SUGCT: variants seen among roughly 807,000 people sequenced by gnomAD.
SUGCT encodes the protein succinyl-CoA:glutarate CoA-transferase.
Under a neutral mutation model 55.0 loss-of-function variants are expected in SUGCT, and 41 were observed. The ratio of observed to expected loss-of-function variants is 0.74; its 90% confidence interval spans 0.58 to 0.97. The LOEUF is 0.97. Among genes scored for constraint, SUGCT ranks in the 50% least tolerant of loss-of-function variants. The pLI is 0.00. For missense variants in SUGCT, 568 were observed against 547.8 expected (o/e 1.04, Z -0.37); for synonymous variants, 187 against 200.4 (o/e 0.93, Z 0.56).
chr7:40,882,576 A>G, the SUGCT span, among the ~76,000 whole-genome samples: 1 of 152,308 alleles, frequency 6.6e-6, no homozygotes, highest in Non-Finnish European at 1.5e-5. Flanking sequence ...AACACACAAT[A>G]AAGCTCTTTG....
At chr7:40,787,733 A>G (rs973921481) in intron 13 of SUGCT, among the ~76,000 whole-genome samples, 1 of 144,092 alleles carries the variant, frequency 6.9e-6, no homozygotes, top group Non-Finnish European at 1.5e-5. Flanking sequence ...GGAAAGGGGC[A>G]GGCTAGCATG....
chr7:40,152,766 T>C (rs1270262857), intron 1 of SUGCT: 3 of 152,864 alleles, frequency 2.0e-5, no homozygotes, highest in Non-Finnish European at 4.4e-5. Context: ...TGGTGCGATC[T>C]TGGCTCACTG....
intron 12 of SUGCT, among the ~76,000 whole-genome samples, chr7:40,651,570 G>T (rs763844435): frequency 2.0e-5 from 3 of 151,742 alleles, no homozygotes; most frequent in African/African-American, 7.3e-5. Context: ...TTTTTCACTG[G>T]TTTTCCTGTG....
At chr7:40,480,032 A>C (rs1371249659) in intron 11 of SUGCT, among the ~76,000 whole-genome samples, 1 of 151,922 alleles carries the variant, frequency 6.6e-6, no homozygotes, top group African/African-American at 2.4e-5. Context: ...ATATAATCTC[A>C]TTTGTCTATT....
At chr7:40,359,183 G>C (rs888422257) in intron 9 of SUGCT, among the ~76,000 whole-genome samples, 2 of 151,954 alleles carry the variant, frequency 1.3e-5, no homozygotes, top group Non-Finnish European at 2.9e-5. Context: ...ATGTATGTAT[G>C]TATGTATATT....
intron 13 of SUGCT, among the ~76,000 whole-genome samples, chr7:40,814,503 A>G (rs1236844201): frequency 6.6e-6 from 1 of 151,868 alleles, no homozygotes; most frequent in Non-Finnish European, 1.5e-5. Flanking sequence ...TAAATCTGTC[A>G]ATTATATTTT....
At chr7:40,298,965 T>C (rs1247339342) in intron 8 of SUGCT, among the ~76,000 whole-genome samples, 2 of 152,196 alleles carry the variant, frequency 1.3e-5, no homozygotes, top group African/African-American at 2.4e-5. Context: ...TTGAAATGTA[T>C]GTTACAGTCT....
chr7:40,730,845 T>C (rs758143321), intron 12 of SUGCT, among the ~76,000 whole-genome samples: 1 of 152,246 alleles, frequency 6.6e-6, no homozygotes. Flanking sequence ...GATTCATCCA[T>C]GTTGTTGCAA....
the SUGCT span, among the ~76,000 whole-genome samples, chr7:41,038,272 T>C: frequency 6.6e-6 from 1 of 152,174 alleles, no homozygotes; most frequent in South Asian, 2.1e-4. Flanking sequence ...TGGAGGCTTC[T>C]GACCTAGGCA....
chr7:40,410,655 G>A (rs1786621778), intron 9 of SUGCT, among the ~76,000 whole-genome samples: 2 of 152,218 alleles, frequency 1.3e-5, no homozygotes, highest in African/African-American at 4.8e-5. Flanking sequence ...GTAGGAATAT[G>A]CCTCCAACCT....
intron 13 of SUGCT, among the ~76,000 whole-genome samples, chr7:40,796,324 G>A (rs907286037): frequency 1.3e-5 from 2 of 152,186 alleles, no homozygotes; most frequent in African/African-American, 4.8e-5. Context: ...TGAGAACACT[G>A]ATATGGTAAG....
At chr7:40,406,303 C>T (rs915832876) in intron 9 of SUGCT, among the ~76,000 whole-genome samples, 2 of 152,048 alleles carry the variant, frequency 1.3e-5, no homozygotes, top group Admixed American at 1.3e-4. Flanking sequence ...ATAGGAGTAA[C>T]TGGGGAGGTT....
chr7:40,143,653 C>T (rs1484531897), intron 1 of SUGCT, among the ~76,000 whole-genome samples: 2 of 152,174 alleles, frequency 1.3e-5, no homozygotes, highest in Non-Finnish European at 2.9e-5. Context: ...TCTTAATTGC[C>T]GAAGTTTGTT....
intron 9 of SUGCT, among the ~76,000 whole-genome samples, chr7:40,351,085 A>T (rs1797610481): frequency 6.6e-6 from 1 of 151,828 alleles, no homozygotes; most frequent in Admixed American, 6.6e-5. Flanking sequence ...GTTTTTTCTA[A>T]TTTCTTAAAT....
the SUGCT span, among the ~76,000 whole-genome samples, chr7:40,947,081 T>TA: frequency 2.6e-3 from 401 of 152,318 alleles, 2 homozygotes; most frequent in African/African-American, 9.0e-3. Flanking sequence ...TTCTGAGACT[T>TA]ACGTTATACA....
chr7:40,442,016 C>G (rs1788542259), intron 9 of SUGCT, among the ~76,000 whole-genome samples: 1 of 151,966 alleles, frequency 6.6e-6, no homozygotes, highest in South Asian at 2.1e-4. Flanking sequence ...ATGTCAAAGT[C>G]TGAAAAATAT....
intron 7 of SUGCT, among the ~76,000 whole-genome samples, chr7:40,249,315 A>ATC (rs1314961773): frequency 0.022 from 729 of 33,478 alleles, 18 homozygotes; most frequent in Middle Eastern, 0.043. Flanking sequence ...CCAAAAAGCT[A>ATC]TATATATATA....
At chr7:40,542,569 A>G (rs1046806964) in intron 12 of SUGCT, among the ~76,000 whole-genome samples, 7 of 152,222 alleles carry the variant, frequency 4.6e-5, no homozygotes, top group Non-Finnish European at 8.8e-5. Flanking sequence ...GAAGCTGCCC[A>G]TATTATAAAG....
At chr7:40,574,519 C>T (rs1796618958) in intron 12 of SUGCT, among the ~76,000 whole-genome samples, 1 of 152,082 alleles carries the variant, frequency 6.6e-6, no homozygotes, top group Admixed American at 6.5e-5. Context: ...GCAAACTGTG[C>T]CTCCCCAGTT....
Sources: allele counts gnomAD v4.1 joint callset (sites outside exome capture counted in the v4.1 genomes callset), GRCh38; gene constraint gnomAD v4.1.1; transcripts MANE v1.5; gene names NCBI Gene and HGNC (gene_info 2026-07-23, HGNC 2026-07-21).